The following KLHL22 variants were observed in gnomAD, a reference collection of about 807,000 sequenced individuals.
The protein encoded by KLHL22 is kelch like family member 22.
Under a neutral mutation model 60.7 loss-of-function variants are expected in KLHL22, and 18 were observed. That is an observed-to-expected ratio of 0.30 (90% CI 0.20 to 0.44). The LOEUF is 0.44. KLHL22 is among the 20% of genes least tolerant of loss of function. KLHL22 has a pLI of 1.00. For missense variants in KLHL22, 596 were observed against 852.3 expected (o/e 0.70, Z 3.74); for synonymous variants, 355 against 354.5 (o/e 1.00, Z -0.01).
intron 5 of KLHL22, among the ~76,000 whole-genome samples, chr22:20,452,627 G>A (rs2052997621): frequency 6.6e-6 from 1 of 152,200 alleles, no homozygotes. Context: ...ATAAATGTGG[G>A]AGTTCAGTAT....
intron 3 of KLHL22, among the ~76,000 whole-genome samples, chr22:20,471,032 A>C (rs1426566870): frequency 1.3e-5 from 2 of 152,226 alleles, no homozygotes; most frequent in African/African-American, 4.8e-5. Context: ...AGCACACAGG[A>C]CGTCCACATG....
At chr22:20,458,755 A>G (rs1423844996) in intron 4 of KLHL22, among the ~76,000 whole-genome samples, 4 of 151,960 alleles carry the variant, frequency 2.6e-5, no homozygotes, top group Admixed American at 6.6e-5. Flanking sequence ...CTTTGTCAAC[A>G]GCCGCACACA....
chr22:20,465,092 A>G lies in KLHL22; in HGVS notation c.878T>C (p.Leu293Pro). The change falls in exon 4 of 7, where the codon CTG becomes CCG. Residue 293 changes from leucine to proline, a missense_variant. Transcript: ENST00000328879. The surrounding 1 kb of genome is among the most constrained non-coding windows in gnomAD (Gnocchi z 4.9). The part of the protein sequence containing the change: ...QPSLQSPQTE[L>P]RSDFQCVVGF... ...CACAACGCACTGGAAGTCCGACCGCAGCTCCGTTTGCGGGCTCTGCAGGCT... is the reference window on the plus strand; with the variant it reads ...CACAACGCACTGGAAGTCCGACCGCGGCTCCGTTTGCGGGCTCTGCAGGCT... 1 of 1,613,846 alleles carries G rather than the reference A, an allele frequency of 6.2e-7. No individual in the cohort carries two copies. Among genetic ancestry groups the G allele is most frequent in the Admixed American group, 1.7e-5 (1 of 60,020 alleles).
At chr22:20,488,947 T>C in intron 2 of KLHL22, 38 bp downstream of exon 2, 1 of 1,594,114 alleles carries the variant, frequency 6.3e-7, no homozygotes, top group Non-Finnish European at 8.6e-7. Context: ...CAGGATTACC[T>C]TTGTTATTCT....
chr22:20,494,976 C>CA (rs1290620577), intron 1 of KLHL22, among the ~76,000 whole-genome samples: 3 of 152,216 alleles, frequency 2.0e-5, no homozygotes, highest in Non-Finnish European at 2.9e-5. Context: ...GCCACAAAGG[C>CA]AAAGGGGGCG....
intron 4 of KLHL22, among the ~76,000 whole-genome samples, chr22:20,460,059 T>C (rs1307322361): frequency 2.6e-5 from 4 of 151,992 alleles, no homozygotes; most frequent in African/African-American, 9.7e-5. Context: ...CAGTCCAGGA[T>C]TGGGGCACAG....
At chr22:20,460,956 GA>G (rs2146206787) in intron 4 of KLHL22, among the ~76,000 whole-genome samples, 1 of 152,372 alleles carries the variant, frequency 6.6e-6, no homozygotes, top group South Asian at 2.1e-4. Context: ...ATCAGGTCAT[GA>G]GGGTGGAGCC....
intron 2 of KLHL22, 92 bp from the exon 3 acceptor site, chr22:20,471,607 C>T (rs1011519766): frequency 1.1e-5 from 16 of 1,411,688 alleles, no homozygotes; most frequent in Non-Finnish European, 1.4e-5. Context: ...AAGAACCTGG[C>T]GCTGGTGGCA....
intron 1 of KLHL22, among the ~76,000 whole-genome samples, chr22:20,490,491 C>A (rs2053667844): frequency 6.6e-6 from 1 of 152,196 alleles, no homozygotes; most frequent in Non-Finnish European, 1.5e-5. Context: ...ACACAGGAGA[C>A]TTCTGTGACC....
At chr22:20,488,563 C>A in intron 2 of KLHL22, 1 of 202,580 alleles carries the variant, frequency 4.9e-6, no homozygotes, top group Non-Finnish European at 1.0e-5. Context: ...ATAAGAAACC[C>A]CAGAGGGGCC....
At chr22:20,476,405 ATTTTTTTTTTTTT>A (rs57189584) in intron 2 of KLHL22, among the ~76,000 whole-genome samples, 6 of 69,356 alleles carry the variant, frequency 8.7e-5, no homozygotes, top group South Asian at 6.1e-4. Flanking sequence ...ATTGACACAG[ATTTTTTTTTTTTT>A]TTTTTTTTTT....
intron 1 of KLHL22, 76 bp from the exon 2 acceptor site, chr22:20,489,320 G>GT: frequency 9.4e-7 from 1 of 1,066,892 alleles, no homozygotes; most frequent in Admixed American, 2.0e-5. Flanking sequence ...GGCCAGCTCT[G>GT]TTGCTCCCCT....
In KLHL22 at chr22:20,465,025, G is replaced by A. The variant is rs749682717; in HGVS notation, c.945C>T (p.Ser315=). Residue 315 remains serine (S), a synonymous_variant, in exon 4 of 7, where the codon AGC becomes AGT. Transcript: ENST00000328879. The surrounding 1 kb of genome is among the most constrained non-coding windows in gnomAD (Gnocchi z 4.9). ...AGGGGTTTAGATACTTGGCCTGGTC[G>A]CTGAGGACAGTGGACGGCGTGGAGT... The part of the protein sequence containing the change: ...GIHSTPSTVL[S]DQAKYLNPLL... 3.2e-5 allele frequency: 51 copies of A among 1,611,424 alleles called. No homozygotes were observed. Among genetic ancestry groups the A allele is most frequent in the East Asian group, 6.7e-5 (3 of 44,868 alleles).
intron 1 of KLHL22, chr22:20,491,356 G>A (rs181468768): frequency 3.3e-5 from 5 of 152,272 alleles, no homozygotes; most frequent in Non-Finnish European, 5.9e-5. Context: ...TCCCCTCTCC[G>A]GAGGTTGAGA....
At chr22:20,453,363 C>T (rs373894472) in intron 5 of KLHL22, among the ~76,000 whole-genome samples, 9 of 151,386 alleles carry the variant, frequency 5.9e-5, no homozygotes, top group Non-Finnish European at 1.3e-4. Context: ...ATTTTTTTGC[C>T]GACGCATGTC....
intron 2 of KLHL22, among the ~76,000 whole-genome samples, chr22:20,488,238 G>A (rs780825186): frequency 2.0e-5 from 3 of 152,168 alleles, no homozygotes; most frequent in Non-Finnish European, 4.4e-5. Context: ...CTCAGGCTTG[G>A]AGTCCCATGA....
chr22:20,489,202 C>T lies in KLHL22; in HGVS notation c.10G>A (p.Glu4Lys). Residue 4 changes from glutamate (E) to lysine (K), a missense_variant, in exon 2 of 7, where the codon GAG (glutamate) becomes AAG (lysine). Physicochemically the swap from Glu to Lys is moderately conservative, Grantham distance 56. Coordinates refer to ENST00000328879, the MANE Select transcript of KLHL22 (RefSeq NM_032775.4). MAE[E>K]QEFTQLCKLP... ...TTGCAGAGCTGGGTGAACTCCTGCT[C>T]CTCTGCCATCCTGACAGCCACAAGA... 6.2e-7 allele frequency: 1 copy of T among 1,613,972 alleles called. No individual in the cohort carries two copies. Among genetic ancestry groups the T allele is most frequent in the Non-Finnish European group, 8.5e-7 (1 of 1,180,018 alleles).
chr22:20,490,797 G>C (rs183252672), intron 1 of KLHL22, among the ~76,000 whole-genome samples: 1 of 152,272 alleles, frequency 6.6e-6, no homozygotes, highest in African/African-American at 2.4e-5. Flanking sequence ...GATCTGACAG[G>C]AGGTGGAGCT....
intron 5 of KLHL22, among the ~76,000 whole-genome samples, chr22:20,448,891 T>C (rs533841022): frequency 1.3e-5 from 2 of 152,340 alleles, no homozygotes; most frequent in East Asian, 3.9e-4. Context: ...CACTACTTTT[T>C]ATTTTAGTCA....
Sources: gnomAD v4.1 joint callset for allele counts (sites outside exome capture counted in the v4.1 genomes callset) on GRCh38, gnomAD v4.1.1 for gene constraint, Gnocchi (gnomAD v3.1) non-coding constraint, MANE v1.5 for transcripts, NCBI Gene and HGNC (gene_info 2026-07-23, HGNC 2026-07-21) for gene names.